The following TPRG1 variants were observed in gnomAD, a reference collection of about 807,000 sequenced individuals.
TPRG1 encodes tumor protein p63 regulated 1.
In TPRG1, 29 loss-of-function variants were observed where a neutral mutation model predicts 29.3. The ratio of observed to expected loss-of-function variants is 0.99; its 90% confidence interval spans 0.74 to 1.35. The LOEUF (loss-of-function observed/expected upper bound fraction) is 1.35, where lower values mean the gene tolerates loss of function less well. Among genes scored for constraint, TPRG1 ranks in the 40% most tolerant of loss-of-function variants. The pLI is 0.00. For missense variants in TPRG1, 327 were observed against 335.0 expected (o/e 0.98, Z 0.19); for synonymous variants, 130 against 116.8 (o/e 1.11, Z -0.73).
chr3:189,061,278 T>C (rs899451229), intron 4 of TPRG1, among the ~76,000 whole-genome samples: 1 of 152,144 alleles, frequency 6.6e-6, no homozygotes, highest in African/African-American at 2.4e-5. Context: ...TTCCACCATA[T>C]ACAAAAATTA....
intron 5 of TPRG1, among the ~76,000 whole-genome samples, chr3:189,166,182 T>C (rs1205806373): frequency 2.0e-5 from 3 of 152,244 alleles, no homozygotes; most frequent in African/African-American, 4.8e-5. Flanking sequence ...GAGCATTCAG[T>C]GTCTTCAAAT....
intron 4 of TPRG1, among the ~76,000 whole-genome samples, chr3:189,293,450 G>C (rs1043216887): frequency 6.6e-6 from 1 of 152,164 alleles, no homozygotes; most frequent in African/African-American, 2.4e-5. Flanking sequence ...TTGCCAGAGG[G>C]AAGATGGGGA....
intron 3 of TPRG1, among the ~76,000 whole-genome samples, chr3:189,231,560 G>C (rs1033711374): frequency 6.6e-6 from 1 of 151,972 alleles, no homozygotes; most frequent in African/African-American, 2.4e-5. Flanking sequence ...TAAATTCTCC[G>C]TATGTCATAT....
chr3:189,256,274 A>G (rs1021706258), intron 4 of TPRG1, among the ~76,000 whole-genome samples: 2 of 152,278 alleles, frequency 1.3e-5, no homozygotes, highest in East Asian at 3.9e-4. Context: ...TTATTTACCC[A>G]GTAGTCATTC....
At chr3:189,058,367 TAC>T (rs1715871862) in intron 4 of TPRG1, among the ~76,000 whole-genome samples, 1 of 152,224 alleles carries the variant, frequency 6.6e-6, no homozygotes, top group African/African-American at 2.4e-5. Flanking sequence ...GTAACGTCGG[TAC>T]ACAGAAAGTC....
chr3:189,176,877 A>G (rs1476277755), intron 1 of TPRG1, among the ~76,000 whole-genome samples: 2 of 152,220 alleles, frequency 1.3e-5, no homozygotes, highest in Non-Finnish European at 2.9e-5. Context: ...AGGGCCCTGT[A>G]AGACACAATA....
At chr3:189,206,947 C>T (rs140734060) in intron 1 of TPRG1, among the ~76,000 whole-genome samples, 11 of 152,226 alleles carry the variant, frequency 7.2e-5, no homozygotes, top group Admixed American at 7.2e-4. Context: ...TCTAAGTGCT[C>T]TTATGCTCTA....
intron 1 of TPRG1, among the ~76,000 whole-genome samples, chr3:189,201,323 G>T (rs1181923119): frequency 6.6e-6 from 1 of 152,182 alleles, no homozygotes; most frequent in African/African-American, 2.4e-5. Context: ...CAAAAGCTTT[G>T]TGGATATTAT....
At chr3:189,194,367 A>G (rs927846694) in intron 1 of TPRG1, among the ~76,000 whole-genome samples, 1 of 152,196 alleles carries the variant, frequency 6.6e-6, no homozygotes, top group Non-Finnish European at 1.5e-5. Context: ...ACAGCCTACA[A>G]GTAGCTGCAG....
intron 5 of TPRG1, among the ~76,000 whole-genome samples, chr3:189,156,568 G>A (rs544704372): frequency 6.6e-6 from 1 of 152,140 alleles, no homozygotes; most frequent in Non-Finnish European, 1.5e-5. Flanking sequence ...TGTTTGGGGT[G>A]AATTTAAGTC....
At chr3:189,170,307 G>T (rs1261334111), upstream of TPRG1, among the ~76,000 whole-genome samples, 1 of 152,190 alleles carries the variant, frequency 6.6e-6, no homozygotes, top group Non-Finnish European at 1.5e-5. Flanking sequence ...TCAGCCTGGG[G>T]TCTGTATTAG....
At chr3:189,045,288 C>T (rs4386494) in intron 4 of TPRG1, among the ~76,000 whole-genome samples, 145,273 of 152,352 alleles carry the variant, frequency 0.95, 69,334 homozygotes, top group East Asian at 1. Flanking sequence ...TTGCAGTGTA[C>T]TCATCAAAGT....
At chr3:189,176,162 C>A (rs1204199761) in intron 1 of TPRG1, among the ~76,000 whole-genome samples, 2 of 152,152 alleles carry the variant, frequency 1.3e-5, no homozygotes, top group Non-Finnish European at 2.9e-5. Context: ...TTATAAATAA[C>A]CAAACTTTTC....
chr3:189,189,375 A>G (rs191274471), intron 1 of TPRG1, among the ~76,000 whole-genome samples: 1 of 152,272 alleles, frequency 6.6e-6, no homozygotes, highest in East Asian at 1.9e-4. Flanking sequence ...CTACATTTAG[A>G]TAGTTGTCAA....
At chr3:189,218,788 G>T (rs546816147) in intron 3 of TPRG1, among the ~76,000 whole-genome samples, 1 of 152,294 alleles carries the variant, frequency 6.6e-6, no homozygotes, top group Non-Finnish European at 1.5e-5. Context: ...AGGCTGATTG[G>T]GTTCTAATTC....
chr3:189,017,435 T>C (rs1464003789), intron 3 of TPRG1, among the ~76,000 whole-genome samples: 2 of 152,076 alleles, frequency 1.3e-5, no homozygotes, highest in African/African-American at 4.8e-5. Flanking sequence ...TGTGTCCATG[T>C]GATCTCATTG....
intron 4 of TPRG1, among the ~76,000 whole-genome samples, chr3:189,039,738 GT>G (rs1189535579): frequency 2.0e-5 from 3 of 151,976 alleles, no homozygotes; most frequent in Admixed American, 1.3e-4. Flanking sequence ...ATGTACACTT[GT>G]TTTTTTGTCA....
intron 5 of TPRG1, among the ~76,000 whole-genome samples, chr3:189,162,439 T>C (rs565950594): frequency 1.3e-5 from 2 of 152,344 alleles, no homozygotes; most frequent in South Asian, 4.1e-4. Context: ...TACGAGTCTT[T>C]AATGACAGGA....
At chr3:189,270,935 C>T (rs1715018865) in intron 4 of TPRG1, among the ~76,000 whole-genome samples, 1 of 152,024 alleles carries the variant, frequency 6.6e-6, no homozygotes, top group Non-Finnish European at 1.5e-5. Flanking sequence ...AAATCTAAAT[C>T]TCATTTCTAT....
Sources: allele counts gnomAD v4.1 joint callset (sites outside exome capture counted in the v4.1 genomes callset), GRCh38; gene constraint gnomAD v4.1.1; transcripts MANE v1.5; gene names NCBI Gene and HGNC (gene_info 2026-07-23, HGNC 2026-07-21).